Variants in CADPS observed in about 807,000 individuals in gnomAD.
CADPS encodes calcium dependent secretion activator, also known as calcium-dependent secretion activator 1.
In CADPS, 57 loss-of-function variants were observed where a neutral mutation model predicts 167.3. That is an observed-to-expected ratio of 0.34 (90% confidence interval 0.28 to 0.42). The LOEUF (loss-of-function observed/expected upper bound fraction) is 0.42. Among genes scored for constraint, CADPS ranks in the 20% least tolerant of loss-of-function variants. CADPS has a pLI of 1.00. For missense variants in CADPS, 1,414 were observed against 1,738.1 expected (o/e 0.81, Z 3.32); for synonymous variants, 676 against 635.3 (o/e 1.06, Z -0.96).
At chr3:62,638,048 T>C (rs1352088697) in intron 6 of CADPS, among the ~76,000 whole-genome samples, 2 of 149,830 alleles carry the variant, frequency 1.3e-5, no homozygotes, top group African/African-American at 2.5e-5. Flanking sequence ...TCAATAGGAC[T>C]ACTATCTGCC....
At chr3:62,678,534 G>T (rs941579761) in intron 3 of CADPS, among the ~76,000 whole-genome samples, 2 of 151,806 alleles carry the variant, frequency 1.3e-5, no homozygotes, top group Non-Finnish European at 2.9e-5. Flanking sequence ...CACTTATCTT[G>T]TACAGAAGGA....
chr3:62,846,699 G>A (rs2077495485), intron 1 of CADPS, among the ~76,000 whole-genome samples: 1 of 152,078 alleles, frequency 6.6e-6, no homozygotes. Context: ...ACGGAGTCTT[G>A]CTGTGTCACC....
chr3:62,523,173 T>C (rs1420545525), intron 13 of CADPS, among the ~76,000 whole-genome samples: 1 of 152,072 alleles, frequency 6.6e-6, no homozygotes, highest in Non-Finnish European at 1.5e-5. Flanking sequence ...TAATAATACA[T>C]CTAGAGTTGC....
chr3:62,649,905 C>G (rs1435209656), intron 5 of CADPS, among the ~76,000 whole-genome samples: 1 of 152,064 alleles, frequency 6.6e-6, no homozygotes, highest in African/African-American at 2.4e-5. Context: ...TGGCATGTAT[C>G]AGTGGGTTGT....
At chr3:62,793,386 C>A (rs2093120989) in intron 1 of CADPS, among the ~76,000 whole-genome samples, 1 of 152,158 alleles carries the variant, frequency 6.6e-6, no homozygotes, top group Non-Finnish European at 1.5e-5. Context: ...CCAAATTTAT[C>A]CATGAATTGA....
At position 62,741,617 on chromosome 3, in the gene CADPS, C is replaced by G. The variant is rs149955983; in HGVS notation, c.888+11824G>C. Reference sequence around the variant, plus strand: ...CTCAATAAACTAGGTATTGAAGGAACATACCTCAAAATAATAAGAGCTGTC... The same window carrying G: ...CTCAATAAACTAGGTATTGAAGGAAGATACCTCAAAATAATAAGAGCTGTC... On this transcript the variant is annotated intron_variant, in intron 3 of 29. Coordinates refer to ENST00000383710, the MANE Select transcript of CADPS (RefSeq NM_003716.4). 4.2e-4 allele frequency among the ~76,000 whole-genome samples: 64 copies of G among 152,242 alleles called. 1 individual carries two copies. The South Asian group carries it at 5.0e-3, about 12-fold the overall frequency.
chr3:62,785,875 C>A (rs1025779938), intron 1 of CADPS, among the ~76,000 whole-genome samples: 2 of 150,052 alleles, frequency 1.3e-5, no homozygotes, highest in Admixed American at 6.7e-5. Flanking sequence ...ACATAAAAAA[C>A]CAAGCATCTA....
rs139596949 is a variant in CADPS at position 62,493,488 on chromosome 3, T to C, written c.2727+157A>G. Among the ~76,000 whole-genome samples, 3 of 152,268 alleles carry C rather than the reference T, an allele frequency of 2.0e-5. No individual in the cohort carries two copies. In the East Asian group the frequency reaches 5.8e-4, roughly 29 times the overall value. The stretch of plus-strand genomic sequence containing the variant: ...AAAGATGGGAAGGCATTTGAAAATA[T>C]GAAAGATGATTATGGAAAAATTCCA... On this transcript the variant is annotated intron_variant, in intron 19 of 29. Transcript: ENST00000383710.
rs907971097 is a variant in CADPS at position 62,601,898 on chromosome 3, T to C, written c.1326-9150A>G. Among the ~76,000 whole-genome samples the C allele has an allele frequency of 6.6e-6, 1 of 152,082 alleles. No individual in the cohort carries two copies. The highest frequency in any genetic ancestry group is 6.6e-5 in the Admixed American group (1 of 15,256). On this transcript the variant is annotated intron_variant, in intron 6 of 29. Coordinates refer to ENST00000383710, the MANE Select transcript of CADPS (RefSeq NM_003716.4). The surrounding 1 kb of genome is among the most constrained non-coding windows in gnomAD (Gnocchi z 4.3). ...GAATATGCTTTTGGGAGAGTGGAGC[T>C]CAGAAAAATCTATGGGTAAAACAAC...
chr3:62,562,466 C>T (rs532941792), intron 9 of CADPS, among the ~76,000 whole-genome samples: 1 of 152,286 alleles, frequency 6.6e-6, no homozygotes, highest in East Asian at 1.9e-4. Context: ...ATGATGATAA[C>T]ATCTGTGGGA....
At chr3:62,811,631 A>G (rs545313741) in intron 1 of CADPS, among the ~76,000 whole-genome samples, 38 of 152,316 alleles carry the variant, frequency 2.5e-4, no homozygotes, top group African/African-American at 8.4e-4. Flanking sequence ...CTTCTCTGAC[A>G]GGTGTGCCAC....
At chr3:62,631,238 G>C (rs1488690327) in intron 6 of CADPS, among the ~76,000 whole-genome samples, 1 of 152,102 alleles carries the variant, frequency 6.6e-6, no homozygotes, top group Non-Finnish European at 1.5e-5. Context: ...TGAGTTTACT[G>C]TAATTAAAAC....
At chr3:62,506,258 T>A (rs1295942661) in intron 17 of CADPS, among the ~76,000 whole-genome samples, 1 of 151,924 alleles carries the variant, frequency 6.6e-6, no homozygotes, top group Non-Finnish European at 1.5e-5. Context: ...CATGGTGGTG[T>A]GCACCTGTAT....
intron 6 of CADPS, among the ~76,000 whole-genome samples, chr3:62,617,944 A>T (rs1420730266): frequency 6.6e-6 from 1 of 152,102 alleles, no homozygotes; most frequent in Non-Finnish European, 1.5e-5. Context: ...CTTCTTTGGG[A>T]CTACCTCTCC....
rs536427757 is a variant in CADPS at position 62,710,053 on chromosome 3, C to T, written c.888+43388G>A. 3.9e-5 allele frequency among the ~76,000 whole-genome samples: 6 copies of T among 152,260 alleles called. No homozygotes were observed. The South Asian group carries it at 1.2e-3, about 32-fold the overall frequency. On this transcript the variant is annotated intron_variant, in intron 3 of 29. Transcript: ENST00000383710. ...AATTGCTGGGATTACAGGCATGAGT[C>T]ACCGTGCCTGGCCAGGTTCTATGTT...
chr3:62,430,172 A>G (rs2053631156), intron 28 of CADPS, among the ~76,000 whole-genome samples: 1 of 152,144 alleles, frequency 6.6e-6, no homozygotes, highest in Non-Finnish European at 1.5e-5. Flanking sequence ...CTTTTTTTGT[A>G]TGCAGGATTG....
At chr3:62,774,079 C>T (rs714387) in intron 1 of CADPS, among the ~76,000 whole-genome samples, 3,439 of 151,768 alleles carry the variant, frequency 0.023, 61 homozygotes, top group South Asian at 0.06. Context: ...AATTATCTAG[C>T]AGAAGAGGAA....
intron 3 of CADPS, among the ~76,000 whole-genome samples, chr3:62,732,222 CA>C (rs1409628908): frequency 1.3e-5 from 2 of 152,152 alleles, no homozygotes; most frequent in African/African-American, 2.4e-5. Flanking sequence ...TCAGATACAG[CA>C]AAAGCCGTGG....
intron 24 of CADPS, among the ~76,000 whole-genome samples, chr3:62,466,954 A>G (rs1456971512): frequency 2.0e-5 from 3 of 152,200 alleles, no homozygotes; most frequent in Non-Finnish European, 4.4e-5. Context: ...ATAAAGGCAA[A>G]GTGTCTCTTT....
Sources: gnomAD v4.1 joint callset for allele counts (sites outside exome capture counted in the v4.1 genomes callset) on GRCh38, gnomAD v4.1.1 for gene constraint, Gnocchi (gnomAD v3.1) non-coding constraint, MANE v1.5 for transcripts, NCBI Gene and HGNC (gene_info 2026-07-23, HGNC 2026-07-21) for gene names.